The following AGGF1 variants were observed in gnomAD, a reference collection of about 807,000 sequenced individuals.
The protein encoded by AGGF1 is angiogenic factor with G patch and FHA domains 1.
A neutral mutation model predicts 86.5 loss-of-function variants in AGGF1; 56 were observed. The observed-to-expected ratio is 0.65, with a 90% confidence interval of 0.52 to 0.81. The LOEUF (loss-of-function observed/expected upper bound fraction) is 0.81. AGGF1 is among the 30% of genes least tolerant of loss of function. AGGF1 has a pLI of 0.00. For missense variants in AGGF1, 816 were observed against 850.9 expected (o/e 0.96, Z 0.51); for synonymous variants, 313 against 297.1 (o/e 1.05, Z -0.55).
Position 77,061,802 on chromosome 5 carries a change from G to T in AGGF1, c.1944G>T (p.Pro648=). 6.2e-7 allele frequency: 1 copy of T among 1,608,618 alleles called. No individual in the cohort carries two copies. The highest frequency in any genetic ancestry group is 1.1e-5 in the South Asian group (1 of 90,980). The change falls in exon 13 of 14, where the codon CCG becomes CCT. Residue 648 remains proline, a splice_region_variant and synonymous_variant. Coordinates refer to ENST00000312916, the MANE Select transcript of AGGF1 (RefSeq NM_018046.5). The stretch of plus-strand genomic sequence containing the variant: ...AGGATGGTGGAGGAATGAAAACGCC[G>T]GTAAGACTTGGATTTTCTTTTATTC... ...LGKDGGGMKT[P]IQLQLRRTHA... is the part of the protein sequence containing the mutation.
chr5:77,064,909 T>C lies in AGGF1; in HGVS notation c.*1657T>C, dbSNP rs1742768830. 6.6e-6 allele frequency: 1 copy of C among 152,216 alleles called. No homozygotes were observed. The highest frequency in any genetic ancestry group is 6.5e-5 in the Admixed American group (1 of 15,274). 9.4% of individuals were successfully genotyped at this position (152,216 alleles called of 1,614,324 possible). On this transcript the variant is annotated 3_prime_UTR_variant, in exon 14 of 14. Coordinates refer to ENST00000312916, the MANE Select transcript of AGGF1 (RefSeq NM_018046.5). ...GGGGAAAACATTTTTTATCATTTTC[T>C]ATTAAGAAAATGGAAAACTTAAATA...
chr5:77,055,097 T>G (rs1446049896), intron 10 of AGGF1, among the ~76,000 whole-genome samples: 1 of 152,212 alleles, frequency 6.6e-6, no homozygotes, highest in African/African-American at 2.4e-5. Context: ...TTATTTTTTG[T>G]TTTCTGATAC....
At chr5:77,059,224 A>G (rs1747509686) in intron 11 of AGGF1, among the ~76,000 whole-genome samples, 1 of 152,224 alleles carries the variant, frequency 6.6e-6, no homozygotes, top group South Asian at 2.1e-4. Context: ...TGTTATTTTC[A>G]CCATGTCATC....
At chr5:77,033,267 A>G (rs1454851569) in intron 1 of AGGF1, among the ~76,000 whole-genome samples, 1 of 152,258 alleles carries the variant, frequency 6.6e-6, no homozygotes, top group African/African-American at 2.4e-5. Context: ...TAATATGTAT[A>G]GGGTTTGTAC....
intron 8 of AGGF1, among the ~76,000 whole-genome samples, chr5:77,051,102 A>C (rs559469778): frequency 2.7e-4 from 41 of 152,094 alleles, no homozygotes; most frequent in African/African-American, 9.4e-4. Context: ...TAAAAAGAAA[A>C]TTTACAGAAG....
At chr5:77,033,603 C>T (rs1431669517) in intron 1 of AGGF1, among the ~76,000 whole-genome samples, 1 of 152,212 alleles carries the variant, frequency 6.6e-6, no homozygotes, top group East Asian at 1.9e-4. Flanking sequence ...TGTCTTGCTT[C>T]CCTCACTGTA....
Position 77,035,560 on chromosome 5 carries a change from C to T in AGGF1, c.333C>T (p.Tyr111=). The change falls in exon 3 of 14, where the codon TAC becomes TAT. Residue 111 remains tyrosine (Y), a synonymous_variant. Transcript: ENST00000312916. ...WSISDYFYQT[Y]YNDVSLPNKV... ...CTACAGATTATTTTTATCAGACGTA[C>T]TACAATGACGTTAGTCTTCCAAATA... 1 of 1,612,472 alleles carries T rather than the reference C, an allele frequency of 6.2e-7. No homozygotes were observed. The highest frequency in any genetic ancestry group is 8.5e-7 in the Non-Finnish European group (1 of 1,178,964).
intron 4 of AGGF1, among the ~76,000 whole-genome samples, chr5:77,037,509 G>T (rs935752201): frequency 2.6e-5 from 4 of 152,192 alleles, no homozygotes; most frequent in African/African-American, 9.7e-5. Context: ...GCTAGGCATG[G>T]TGGCTCACTC....
In AGGF1 at chr5:77,034,537, G is replaced by A; in HGVS notation, c.313+17G>A. 6.8e-7 allele frequency: 1 copy of A among 1,473,220 alleles called. No homozygotes were observed. The highest frequency in any genetic ancestry group is 2.3e-5 in the East Asian group (1 of 44,102). The allele number at this position is 1,473,220 out of a possible 1,614,324, so 91.3% of individuals were successfully genotyped here. On this transcript the variant is annotated intron_variant, in intron 2 of 13. Coordinates refer to ENST00000312916, the MANE Select transcript of AGGF1 (RefSeq NM_018046.5). ...CAATCTCAGGTATTTAGCTTATAGT[G>A]AGGATATGCTAACACTGTTACATTC...
chr5:77,030,827 G>T lies in AGGF1; in HGVS notation c.61G>T (p.Glu21Ter). Residue 21 changes from glutamate to a stop codon, truncating the protein, a stop_gained, in exon 1 of 14, where the codon GAG becomes TAG. Coordinates refer to ENST00000312916, the MANE Select transcript of AGGF1 (RefSeq NM_018046.5). LOFTEE classifies it high-confidence loss of function. The stretch of plus-strand genomic sequence containing the variant: ...GCCGCCGCCCACCTCCCCCGAGCCT[G>T]AGCTGGCCCAGCTAAGGCGGAAGGT... ...SPPPPTSPEP[E>*]LAQLRRKVEK... is the part of the protein sequence containing the mutation. 1 of 1,610,580 alleles carries T rather than the reference G, an allele frequency of 6.2e-7. No individual in the cohort carries two copies.
chr5:77,030,688 T>G lies in AGGF1; in HGVS notation c.-79T>G. 1 of 1,481,672 alleles carries G rather than the reference T, an allele frequency of 6.7e-7. No homozygotes were observed. Among genetic ancestry groups the G allele is most frequent in the Non-Finnish European group, 9.1e-7 (1 of 1,102,234 alleles). The allele number at this position is 1,481,672 out of a possible 1,614,324, so 91.8% of individuals were successfully genotyped here. A position where few individuals can be genotyped will look rare whatever the true frequency, so the allele number is the denominator to read the frequency against. ...GCCTTTCGCTGCCCGCGCGCTCCAGTGGTCTCTGGGTCCGCCGGCGTCCGT... is the reference window on the plus strand; with the variant it reads ...GCCTTTCGCTGCCCGCGCGCTCCAGGGGTCTCTGGGTCCGCCGGCGTCCGT... On this transcript the variant is annotated 5_prime_UTR_variant, in exon 1 of 14. Coordinates refer to ENST00000312916, the MANE Select transcript of AGGF1 (RefSeq NM_018046.5).
At chr5:77,037,367 A>T (rs1469276414) in intron 4 of AGGF1, among the ~76,000 whole-genome samples, 1 of 152,206 alleles carries the variant, frequency 6.6e-6, no homozygotes, top group Non-Finnish European at 1.5e-5. Flanking sequence ...AATTATATCA[A>T]ATACTTTATG....
intron 2 of AGGF1, among the ~76,000 whole-genome samples, 187 bp downstream of exon 2, chr5:77,034,707 ATGTAT>A (rs997582742): frequency 5.7e-4 from 87 of 152,296 alleles, no homozygotes; most frequent in African/African-American, 2.1e-3. Context: ...AAAAGTAGAA[ATGTAT>A]TGTCATTCCT....
intron 11 of AGGF1, 40 bp from the exon 12 acceptor site, chr5:77,059,576 C>T (rs199955949): frequency 6.4e-7 from 1 of 1,562,288 alleles, no homozygotes; most frequent in East Asian, 2.3e-5. Flanking sequence ...TTTTATTTAT[C>T]AGCTTTCTTT....
intron 5 of AGGF1, among the ~76,000 whole-genome samples, chr5:77,039,998 T>C (rs748887609): frequency 2.0e-5 from 3 of 152,166 alleles, no homozygotes; most frequent in African/African-American, 7.2e-5. Context: ...AGTTGATAAG[T>C]TGATGTCAAT....
rs975826642 is a variant in AGGF1, at chr5:77,054,223, C to G, written c.1633+93C>G. ...CATCAGTCAGCTACTGGCTACATGT[C>G]TAATTGATACGATACTGCATTGAGA... is the stretch of plus-strand genomic sequence containing the variant. On this transcript the variant is annotated intron_variant, in intron 10 of 13. Transcript: ENST00000312916. 309 of 1,417,866 alleles carry G rather than the reference C, an allele frequency of 2.2e-4. 1 individual carries two copies. The highest frequency in any genetic ancestry group is 2.9e-4 in the Non-Finnish European group (287 of 1,005,564). 87.8% of individuals were successfully genotyped at this position (1,417,866 alleles called of 1,614,324 possible). A position where few individuals can be genotyped will look rare whatever the true frequency, so the allele number is the denominator to read the frequency against.
In AGGF1 at chr5:77,045,122, C is replaced by CAGAAGAGCA. The variant is rs555250863; in HGVS notation, c.871-1224_871-1216dup. 7.0e-3 allele frequency among the ~76,000 whole-genome samples: 1,060 copies of CAGAAGAGCA among 150,774 alleles called. 4 individuals are homozygous for CAGAAGAGCA. The highest frequency in any genetic ancestry group is 0.021 in the Middle Eastern group (6 of 288). On this transcript the variant is annotated intron_variant, in intron 5 of 13. Coordinates refer to ENST00000312916, the MANE Select transcript of AGGF1 (RefSeq NM_018046.5). ...GATGCTCTCATATTTTATAAAATAA[C>CAGAAGAGCA]AGAAGAGCATATGAATTCGCCTCAT... is the stretch of plus-strand genomic sequence containing the variant.
intron 12 of AGGF1, among the ~76,000 whole-genome samples, 163 bp from the exon 13 acceptor site, chr5:77,061,540 G>A (rs1747564529): frequency 6.6e-6 from 1 of 152,234 alleles, no homozygotes; most frequent in Non-Finnish European, 1.5e-5. Flanking sequence ...GCTTTTCTAA[G>A]TAGGATATGT....
At chr5:77,036,460 G>A (rs187424542) in intron 3 of AGGF1, 96 bp from the exon 4 acceptor site, 45 of 1,248,114 alleles carry the variant, frequency 3.6e-5, no homozygotes, top group Admixed American at 1.3e-4. Flanking sequence ...AATTGAAGTC[G>A]TTACTTAAAC....
Sources: gnomAD v4.1 joint callset for allele counts (sites outside exome capture counted in the v4.1 genomes callset) on GRCh38, gnomAD v4.1.1 for gene constraint, MANE v1.5 for transcripts, NCBI Gene and HGNC (gene_info 2026-07-23, HGNC 2026-07-21) for gene names.